ZC3H12B: variants seen among roughly 807,000 people sequenced by gnomAD.
The protein encoded by ZC3H12B is zinc finger CCCH-type containing 12B.
In ZC3H12B, 7 loss-of-function variants were observed where a neutral mutation model predicts 43.9. The ratio of observed to expected loss-of-function variants is 0.16; its 90% CI spans 0.09 to 0.30. The LOEUF is 0.30. Ranked by LOEUF, ZC3H12B falls within the 10% of genes least tolerant of loss-of-function variation. ZC3H12B has a pLI of 1.00. For synonymous variants in ZC3H12B, 222 were observed against 241.7 expected, an observed-to-expected ratio of 0.92 and a Z score of 0.76; for missense variants, 475 against 670.2, an observed-to-expected ratio of 0.71 and a Z score of 3.22.
chrX:65,248,050 AT>A, the ZC3H12B span, among the ~76,000 whole-genome samples: 16,278 of 104,318 alleles, frequency 0.16, 2,727 homozygotes, highest in African/African-American at 0.56. Flanking sequence ...CACGAAAAAA[AT>A]TTTTTTTTTG....
chrX:65,406,457 T>TAA (rs1262232461), intron 3 of ZC3H12B, among the ~76,000 whole-genome samples: 1 of 90,576 alleles, frequency 1.1e-5, no homozygotes, highest in African/African-American at 4.0e-5. Context: ...CCTTCATGAT[T>TAA]AAAAAAAAAA....
chrX:65,197,983 A>G, the ZC3H12B span, among the ~76,000 whole-genome samples: 1 of 112,396 alleles, frequency 8.9e-6, no homozygotes, highest in African/African-American at 3.2e-5. Context: ...CAATTGCTAG[A>G]TCAACGTACA....
chrX:65,231,807 A>G, the ZC3H12B span, among the ~76,000 whole-genome samples: 1 of 111,752 alleles, frequency 8.9e-6, no homozygotes, highest in African/African-American at 3.3e-5. Flanking sequence ...TCAAACACCC[A>G]TGTTTTACAA....
chrX:65,472,998 G>GTATATATATATATATATATATA (rs370502555), intron 3 of ZC3H12B, among the ~76,000 whole-genome samples: 1 of 77,797 alleles, frequency 1.3e-5, no homozygotes, highest in African/African-American at 5.3e-5. Flanking sequence ...ATATATATAT[G>GTATATATATATATATATATATA]TATATATATA....
the ZC3H12B span, among the ~76,000 whole-genome samples, chrX:65,231,791 T>C: frequency 5.4e-4 from 60 of 111,984 alleles, no homozygotes; most frequent in African/African-American, 1.8e-3. Flanking sequence ...ACTGATTTCA[T>C]ATTGTTCAAA....
chrX:65,158,600 C>T, the ZC3H12B span, among the ~76,000 whole-genome samples: 1 of 111,761 alleles, frequency 8.9e-6, no homozygotes, highest in African/African-American at 3.3e-5. Context: ...GTGTCCTTCA[C>T]CCACTTTTTG....
At chrX:65,446,526 G>T (rs777514063) in intron 3 of ZC3H12B, among the ~76,000 whole-genome samples, 1 of 111,884 alleles carries the variant, frequency 8.9e-6, no homozygotes, top group African/African-American at 3.2e-5. Flanking sequence ...GGTTCCAATG[G>T]TTGGGTGGGA....
At chrX:65,141,409 G>C in the ZC3H12B span, among the ~76,000 whole-genome samples, 1 of 109,099 alleles carries the variant, frequency 9.2e-6, no homozygotes, top group Non-Finnish European at 1.9e-5. Flanking sequence ...CACATACGTG[G>C]GCTCTTTAAT....
the ZC3H12B span, among the ~76,000 whole-genome samples, chrX:65,279,355 A>G: frequency 1.1e-5 from 1 of 94,812 alleles, no homozygotes; most frequent in Non-Finnish European, 2.1e-5. Context: ...GTGAGATGGT[A>G]TTAATTTTGG....
intron 3 of ZC3H12B, among the ~76,000 whole-genome samples, chrX:65,466,870 T>G (rs1158085898): frequency 1.1e-5 from 1 of 87,744 alleles, no homozygotes; most frequent in African/African-American, 4.0e-5. Flanking sequence ...TTTTTAATTT[T>G]GTTCTATATA....
chrX:65,091,762 G>A, the ZC3H12B span, among the ~76,000 whole-genome samples: 1 of 112,153 alleles, frequency 8.9e-6, no homozygotes, highest in South Asian at 3.7e-4. Flanking sequence ...TTTGTAGTTA[G>A]GAAGGTTGTG....
At chrX:65,445,618 G>A (rs2067365588) in intron 3 of ZC3H12B, among the ~76,000 whole-genome samples, 1 of 112,375 alleles carries the variant, frequency 8.9e-6, no homozygotes, top group Non-Finnish European at 1.9e-5. Flanking sequence ...GCAAAGTAGT[G>A]GGTCTCACCC....
At chrX:65,300,780 C>T in the ZC3H12B span, among the ~76,000 whole-genome samples, 1 of 111,117 alleles carries the variant, frequency 9.0e-6, no homozygotes, top group Non-Finnish European at 1.9e-5. Flanking sequence ...ACAAAACTAC[C>T]GAACTAAACA....
the ZC3H12B span, among the ~76,000 whole-genome samples, chrX:65,228,006 A>G: frequency 1.8e-5 from 2 of 111,861 alleles, no homozygotes; most frequent in Non-Finnish European, 3.8e-5. Flanking sequence ...CAAAAGAAAA[A>G]GAGGGAATCC....
At chrX:65,483,234 T>C (rs1219669432) in intron 3 of ZC3H12B, among the ~76,000 whole-genome samples, 3 of 112,078 alleles carry the variant, frequency 2.7e-5, no homozygotes, top group Non-Finnish European at 5.6e-5. Context: ...AAATATGCTA[T>C]TTCTTAGACT....
chrX:65,217,249 C>G, the ZC3H12B span, among the ~76,000 whole-genome samples: 1 of 112,204 alleles, frequency 8.9e-6, no homozygotes, highest in South Asian at 3.7e-4. Flanking sequence ...GGAGGGTTCT[C>G]CTAGTGCTGA....
chrX:65,119,560 G>T, the ZC3H12B span, among the ~76,000 whole-genome samples: 1 of 111,507 alleles, frequency 9.0e-6, no homozygotes, highest in Non-Finnish European at 1.9e-5. Context: ...TTTGTCAGAT[G>T]AGTAGGTTGT....
chrX:65,158,310 A>G, the ZC3H12B span, among the ~76,000 whole-genome samples: 4 of 111,458 alleles, frequency 3.6e-5, no homozygotes, highest in African/African-American at 1.3e-4. Flanking sequence ...GCTGAGTCAA[A>G]TGGTATTTCT....
chrX:65,469,734 G>A (rs1465133869), intron 3 of ZC3H12B: 5 of 120,349 alleles, frequency 4.2e-5, no homozygotes, highest in African/African-American at 1.3e-4. Context: ...ACTTTGAGAG[G>A]CCGAGGCAGG....
Sources: gnomAD v4.1 joint callset for allele counts (sites outside exome capture counted in the v4.1 genomes callset) on GRCh38, gnomAD v4.1.1 for gene constraint, MANE v1.5 for transcripts, NCBI Gene and HGNC (gene_info 2026-07-23, HGNC 2026-07-21) for gene names.